The following DNAH11 variants were observed in gnomAD, a reference collection of about 807,000 sequenced individuals.
DNAH11 encodes dynein axonemal heavy chain 11, also known as axonemal beta dynein heavy chain 11.
A neutral mutation model predicts 526.0 loss-of-function variants in DNAH11; 442 were observed. That is an observed-to-expected ratio of 0.84 (90% CI 0.78 to 0.91). The LOEUF (loss-of-function observed/expected upper bound fraction) is 0.91, where lower values mean the gene tolerates loss of function less well. Ranked by LOEUF, DNAH11 falls within the 40% of genes least tolerant of loss-of-function variation. The pLI is 0.00. For synonymous variants in DNAH11, 2,461 were observed against 1,935.9 expected, an observed-to-expected ratio of 1.27 and a Z score of -7.12; for missense variants, 6,989 against 5,448.7, an observed-to-expected ratio of 1.28 and a Z score of -8.90.
intron 51 of DNAH11, among the ~76,000 whole-genome samples, chr7:21,747,379 A>C (rs1460166037): frequency 1.3e-5 from 2 of 152,208 alleles, no homozygotes; most frequent in Non-Finnish European, 2.9e-5. Context: ...ACTATTTAAA[A>C]CAATTTATGC....
chr7:21,543,981 G>T (rs558946063), intron 1 of DNAH11, among the ~76,000 whole-genome samples: 1 of 152,222 alleles, frequency 6.6e-6, no homozygotes, highest in Non-Finnish European at 1.5e-5. Context: ...AAAAAATGGG[G>T]TGTTTGGCAG....
chr7:21,868,380 A>G (rs772502481), intron 72 of DNAH11, among the ~76,000 whole-genome samples: 1 of 152,076 alleles, frequency 6.6e-6, no homozygotes, highest in Admixed American at 6.6e-5. Flanking sequence ...CTGGATTACC[A>G]TTCCCCACGG....
At chr7:21,553,456 A>G (rs1783099409) in intron 2 of DNAH11, among the ~76,000 whole-genome samples, 1 of 151,914 alleles carries the variant, frequency 6.6e-6, no homozygotes, top group Non-Finnish European at 1.5e-5. Flanking sequence ...TGACTTAGGG[A>G]GGAGGGATCC....
chr7:21,570,417 G>A lies in DNAH11; in HGVS notation c.1425+118G>A, dbSNP rs1168708570. 3 of 803,934 alleles carry A rather than the reference G, an allele frequency of 3.7e-6. No individual in the cohort carries two copies. The African/African-American group carries it at 5.2e-5, about 14-fold the overall frequency. The allele number at this position is 803,934 out of a possible 1,614,324, so 49.8% of individuals were successfully genotyped here. A position where few individuals can be genotyped will look rare whatever the true frequency, so the allele number is the denominator to read the frequency against. ...TCATAGGTGGAGGTCTCCTTTCTCA[G>A]TGATTCTCATAAGGAGCTCAGCAGG... On this transcript the variant is annotated intron_variant, in intron 7 of 81. Transcript: ENST00000409508.
At chr7:21,708,109 A>G (rs1784339763) in intron 40 of DNAH11, among the ~76,000 whole-genome samples, 1 of 152,208 alleles carries the variant, frequency 6.6e-6, no homozygotes, top group Non-Finnish European at 1.5e-5. Context: ...AGTGAAGTCA[A>G]CATGAATGCC....
rs547772307 is a variant in DNAH11 at position 21,816,733 on chromosome 7, G to A, written c.10568+31G>A. The A allele has an allele frequency of 3.1e-6, 5 of 1,587,576 alleles. No individual in the cohort carries two copies. The African/African-American group carries it at 5.4e-5, about 17-fold the overall frequency. ...TGAAGTTTGAAGAGACTGGCTTTCT[G>A]TTTACCTGCTGTGAAGTGGGTCTGA... On this transcript the variant is annotated intron_variant, in intron 64 of 81. Transcript: ENST00000409508.
At chr7:21,613,079 T>C (rs1785597646) in intron 20 of DNAH11, among the ~76,000 whole-genome samples, 1 of 151,950 alleles carries the variant, frequency 6.6e-6, no homozygotes, top group Admixed American at 6.6e-5. Flanking sequence ...GGGTGAAACA[T>C]AGGAAAAGAC....
At chr7:21,756,388 TAATTGCCACACTGCATAATAAA>T (rs1357631219) in intron 54 of DNAH11, among the ~76,000 whole-genome samples, 2 of 152,106 alleles carry the variant, frequency 1.3e-5, no homozygotes, top group Non-Finnish European at 2.9e-5. Flanking sequence ...TGTTCCTGCA[TAATTGCCACACTGCATAATAAA>T]CACAGATAAT....
intron 65 of DNAH11, among the ~76,000 whole-genome samples, chr7:21,839,553 C>T (rs1316667568): frequency 2.0e-5 from 3 of 148,052 alleles, no homozygotes; most frequent in African/African-American, 5.1e-5. Flanking sequence ...CCAACCTGGG[C>T]GACAGAGTGA....
intron 58 of DNAH11, among the ~76,000 whole-genome samples, chr7:21,784,758 A>G (rs541367096): frequency 1.3e-5 from 2 of 152,332 alleles, no homozygotes; most frequent in South Asian, 2.1e-4. Flanking sequence ...CGGCACCCCA[A>G]TAAGCAGTCT....
At chr7:21,743,368 TA>T (rs1268524368) in intron 49 of DNAH11, among the ~76,000 whole-genome samples, 1 of 152,218 alleles carries the variant, frequency 6.6e-6, no homozygotes, top group East Asian at 1.9e-4. Context: ...GCTTACCTGG[TA>T]AAAGGACAGT....
intron 25 of DNAH11, among the ~76,000 whole-genome samples, chr7:21,633,663 T>G (rs1786724648): frequency 6.6e-6 from 1 of 152,196 alleles, no homozygotes; most frequent in South Asian, 2.1e-4. Flanking sequence ...ACTTGTTCTC[T>G]AGGAAGATGC....
intron 65 of DNAH11, among the ~76,000 whole-genome samples, chr7:21,825,390 A>G (rs1197236092): frequency 6.6e-6 from 1 of 152,242 alleles, no homozygotes; most frequent in Non-Finnish European, 1.5e-5. Flanking sequence ...CTATAGTGAG[A>G]TAGTTGGGTT....
At chr7:21,819,243 G>A (rs992655235) in intron 65 of DNAH11, among the ~76,000 whole-genome samples, 8 of 151,746 alleles carry the variant, frequency 5.3e-5, no homozygotes, top group African/African-American at 1.9e-4. Flanking sequence ...CTGCCTCTAA[G>A]GTATCTGTCC....
chr7:21,778,909 TTTG>T (rs1787804842), intron 56 of DNAH11, 46 bp from the exon 57 acceptor site: 2 of 1,590,830 alleles, frequency 1.3e-6, no homozygotes, highest in Non-Finnish European at 1.7e-6. Context: ...CTATCTGGGA[TTTG>T]TTGTGAACAA....
chr7:21,678,689 G>A (rs1048539140), intron 30 of DNAH11, among the ~76,000 whole-genome samples: 2 of 152,008 alleles, frequency 1.3e-5, no homozygotes, highest in African/African-American at 4.8e-5. Context: ...CTAATCCAAG[G>A]GCATAGGATC....
chr7:21,699,404 C>T (rs1484569910), intron 36 of DNAH11, among the ~76,000 whole-genome samples: 1 of 152,120 alleles, frequency 6.6e-6, no homozygotes, highest in Non-Finnish European at 1.5e-5. Context: ...GCCATATGAT[C>T]ATTTTTGACT....
At chr7:21,545,189 T>C (rs778158861) in intron 2 of DNAH11, 40 bp downstream of exon 2, 26 of 1,523,600 alleles carry the variant, frequency 1.7e-5, no homozygotes, top group Middle Eastern at 1.7e-4. Context: ...TTCACTTATC[T>C]CCATGACATT....
intron 68 of DNAH11, among the ~76,000 whole-genome samples, chr7:21,858,649 A>G (rs1235295690): frequency 6.6e-6 from 1 of 152,200 alleles, no homozygotes; most frequent in Non-Finnish European, 1.5e-5. Context: ...ATTTATGTGA[A>G]ATTATAGAAA....
Sources: gnomAD v4.1 joint callset for allele counts (sites outside exome capture counted in the v4.1 genomes callset) on GRCh38, gnomAD v4.1.1 for gene constraint, MANE v1.5 for transcripts, NCBI Gene and HGNC (gene_info 2026-07-23, HGNC 2026-07-21) for gene names.